The following RIT2 variants were observed in gnomAD, a reference collection of about 807,000 sequenced individuals.
RIT2 encodes GTP-binding protein Rit2.
In RIT2, 24 loss-of-function variants were observed where a neutral mutation model predicts 23.7. That is an observed-to-expected ratio of 1.01 (90% CI 0.73 to 1.43). The LOEUF (loss-of-function observed/expected upper bound fraction) is 1.43, where lower values mean the gene tolerates loss of function less well. Ranked by LOEUF, RIT2 falls within the 40% of genes most tolerant of loss-of-function variation. The probability of loss-of-function intolerance (pLI) is 0.00; values close to 1 mark genes in which losing one functional copy is unlikely to be tolerated. For synonymous variants in RIT2, 107 were observed against 91.1 expected, an observed-to-expected ratio of 1.17 and a Z score of -0.99; for missense variants, 236 against 266.9, an observed-to-expected ratio of 0.88 and a Z score of 0.81.
Position 42,991,077 on chromosome 18 carries a change from G to A in RIT2, c.161-16930C>T, listed in dbSNP as rs189248417. On this transcript the variant is annotated intron_variant, in intron 2 of 4. Coordinates refer to ENST00000326695, the MANE Select transcript of RIT2 (RefSeq NM_002930.4). ...AAATAATAAAAAGCAGAACCTTTTC[G>A]GAAACCATATTTAGTAAAACGCAGG... Among the ~76,000 whole-genome samples the A allele has an allele frequency of 9.9e-4, 150 of 152,016 alleles. 4 individuals carry two copies. The East Asian group carries it at 0.028, about 28-fold the overall frequency.
intron 3 of RIT2, among the ~76,000 whole-genome samples, chr18:42,925,100 C>T (rs1909148028): frequency 6.6e-6 from 1 of 152,036 alleles, no homozygotes; most frequent in Non-Finnish European, 1.5e-5. Flanking sequence ...TCAAAAAACT[C>T]ATGTTACCTG....
intron 1 of RIT2, among the ~76,000 whole-genome samples, chr18:43,094,505 A>C (rs1913504534): frequency 6.6e-6 from 1 of 151,986 alleles, no homozygotes; most frequent in Admixed American, 6.6e-5. Context: ...AGGAAACAGG[A>C]TTTTTATGAT....
intron 1 of RIT2, among the ~76,000 whole-genome samples, chr18:43,095,471 C>A (rs1244215115): frequency 6.6e-6 from 1 of 151,842 alleles, no homozygotes. Context: ...ATGTACAAAC[C>A]TGTACGTTGT....
intron 2 of RIT2, among the ~76,000 whole-genome samples, chr18:42,988,129 C>A (rs1441676048): frequency 5.9e-5 from 9 of 152,150 alleles, no homozygotes; most frequent in Admixed American, 1.3e-4. Flanking sequence ...CTATGAATTT[C>A]TTTAAACTAT....
intron 1 of RIT2, among the ~76,000 whole-genome samples, chr18:43,092,793 T>C (rs1913455446): frequency 6.6e-6 from 1 of 152,090 alleles, no homozygotes; most frequent in African/African-American, 2.4e-5. Flanking sequence ...AGCAACATAA[T>C]ATTATTAAAG....
rs542252197 is a variant in RIT2, at chr18:42,905,763, G to A, written c.426+17809C>T. On this transcript the variant is annotated intron_variant, in intron 4 of 4. Coordinates refer to ENST00000326695, the MANE Select transcript of RIT2 (RefSeq NM_002930.4). Reference sequence around the variant, plus strand: ...GCTGGGATTACAGGCGTGAGCCACCGTGCCCGGCCAAACACATGTATTTTT... The same window carrying A: ...GCTGGGATTACAGGCGTGAGCCACCATGCCCGGCCAAACACATGTATTTTT... 4.0e-5 allele frequency among the ~76,000 whole-genome samples: 6 copies of A among 151,642 alleles called. No individual in the cohort carries two copies. The South Asian group carries it at 1.0e-3, about 26-fold the overall frequency.
chr18:42,932,618 C>T (rs777874814), intron 3 of RIT2, among the ~76,000 whole-genome samples: 2 of 152,152 alleles, frequency 1.3e-5, no homozygotes, highest in Admixed American at 6.5e-5. Context: ...ATTCCTCATA[C>T]TTGAACCTTT....
chr18:42,757,382 G>A (rs775381164), intron 4 of RIT2, among the ~76,000 whole-genome samples: 2 of 152,112 alleles, frequency 1.3e-5, no homozygotes, highest in Non-Finnish European at 2.9e-5. Context: ...AGTAGCAGAT[G>A]ACTTTGATGA....
At chr18:43,008,179 GA>G (rs1770192081) in intron 2 of RIT2, among the ~76,000 whole-genome samples, 1 of 151,648 alleles carries the variant, frequency 6.6e-6, no homozygotes, top group Admixed American at 6.6e-5. Flanking sequence ...TAACAGTAGA[GA>G]GCAATTAATA....
chr18:42,821,021 TG>T (rs1398220046), intron 4 of RIT2, among the ~76,000 whole-genome samples: 2 of 152,110 alleles, frequency 1.3e-5, no homozygotes, highest in Non-Finnish European at 2.9e-5. Context: ...ATGACACTCC[TG>T]CTGCCCCTTC....
chr18:42,774,507 A>G (rs1913623086), intron 4 of RIT2, among the ~76,000 whole-genome samples: 1 of 152,212 alleles, frequency 6.6e-6, no homozygotes, highest in African/African-American at 2.4e-5. Flanking sequence ...GGTAAAACAT[A>G]GAATATTCTC....
At chr18:42,777,190 T>C (rs1913692387) in intron 4 of RIT2, among the ~76,000 whole-genome samples, 1 of 151,952 alleles carries the variant, frequency 6.6e-6, no homozygotes, top group Admixed American at 6.6e-5. Context: ...TCAAAAATTC[T>C]GCTCAGAAAT....
intron 2 of RIT2, among the ~76,000 whole-genome samples, chr18:43,027,723 T>A (rs1911766088): frequency 1.3e-5 from 2 of 152,116 alleles, no homozygotes; most frequent in Admixed American, 1.3e-4. Flanking sequence ...AGAGCACCAT[T>A]AAAAGCCTAT....
chr18:42,971,814 C>A (rs1910367724), intron 3 of RIT2, among the ~76,000 whole-genome samples: 1 of 151,972 alleles, frequency 6.6e-6, no homozygotes, highest in South Asian at 2.1e-4. Flanking sequence ...CTTAGTGCTT[C>A]TAAAGATCTT....
chr18:42,819,867 C>T (rs1906099825), intron 4 of RIT2, among the ~76,000 whole-genome samples: 2 of 152,076 alleles, frequency 1.3e-5, no homozygotes, highest in African/African-American at 4.8e-5. Flanking sequence ...TACCTGGTTA[C>T]ACACAAAGGA....
chr18:42,787,772 T>C (rs1359263102), intron 4 of RIT2, among the ~76,000 whole-genome samples: 1 of 152,140 alleles, frequency 6.6e-6, no homozygotes, highest in African/African-American at 2.4e-5. Context: ...TGAATCCTAA[T>C]GGTTTAAAGC....
At chr18:43,006,192 G>C (rs1378786619) in intron 2 of RIT2, among the ~76,000 whole-genome samples, 1 of 151,600 alleles carries the variant, frequency 6.6e-6, no homozygotes, top group African/African-American at 2.4e-5. Flanking sequence ...CAATTTTTAA[G>C]AAACTATCTT....
At chr18:43,097,112 A>C (rs1913572056) in intron 1 of RIT2, among the ~76,000 whole-genome samples, 1 of 151,914 alleles carries the variant, frequency 6.6e-6, no homozygotes, top group African/African-American at 2.4e-5. Flanking sequence ...CATCATGTAG[A>C]CTAGGGATTC....
Position 42,886,302 on chromosome 18 carries a change from G to A in RIT2, c.426+37270C>T, listed in dbSNP as rs76806424. Among the ~76,000 whole-genome samples the A allele has an allele frequency of 1.6e-4, 25 of 152,160 alleles. No homozygotes were observed. In the East Asian group the frequency reaches 2.7e-3, roughly 16 times the overall value. The stretch of plus-strand genomic sequence containing the variant: ...ACAGAACTCCGAAATTCTATTGCGC[G>A]CAGAATAACAATATAAATGAGCATA... On this transcript the variant is annotated intron_variant, in intron 4 of 4. Coordinates refer to ENST00000326695, the MANE Select transcript of RIT2 (RefSeq NM_002930.4).
Sources: allele counts gnomAD v4.1 joint callset (sites outside exome capture counted in the v4.1 genomes callset), GRCh38; gene constraint gnomAD v4.1.1; transcripts MANE v1.5; gene names NCBI Gene and HGNC (gene_info 2026-07-23, HGNC 2026-07-21).